Variants in PPM1L observed in about 807,000 individuals in gnomAD.
PPM1L encodes protein phosphatase, Mg2+/Mn2+ dependent 1L.
PPM1L carries 13 observed loss-of-function variants against 31.4 expected under a neutral mutation model. That is an observed-to-expected ratio of 0.41 (90% CI 0.27 to 0.66). The LOEUF (loss-of-function observed/expected upper bound fraction) is 0.66, where lower values mean the gene tolerates loss of function less well. Ranked by LOEUF, PPM1L falls within the 30% of genes least tolerant of loss-of-function variation. The probability of loss-of-function intolerance (pLI) is 0.29; values close to 1 mark genes in which losing one functional copy is unlikely to be tolerated. For missense variants in PPM1L, 326 were observed against 453.7 expected, an observed-to-expected ratio of 0.72 and a Z score of 2.56; for synonymous variants, 184 against 175.4, an observed-to-expected ratio of 1.05 and a Z score of -0.39.
At chr3:160,876,493 G>T (rs1712517605) in intron 1 of PPM1L, among the ~76,000 whole-genome samples, 1 of 152,168 alleles carries the variant, frequency 6.6e-6, no homozygotes, top group African/African-American at 2.4e-5. Context: ...ATTTATAGTA[G>T]AAAATTGGCA....
At chr3:160,982,596 C>T (rs1238420582) in intron 2 of PPM1L, among the ~76,000 whole-genome samples, 2 of 152,138 alleles carry the variant, frequency 1.3e-5, no homozygotes, top group Non-Finnish European at 1.5e-5. Context: ...CTTTAATGTT[C>T]GACCCAGCAG....
chr3:160,961,964 T>A, intron 2 of PPM1L, 54 bp downstream of exon 2: 1 of 1,397,630 alleles, frequency 7.2e-7, no homozygotes, highest in Non-Finnish European at 9.6e-7. Flanking sequence ...AAATTCATTA[T>A]AAACCTTGAT....
intron 1 of PPM1L, among the ~76,000 whole-genome samples, chr3:160,780,805 G>GT (rs1397731041): frequency 6.6e-6 from 1 of 152,100 alleles, no homozygotes; most frequent in Non-Finnish European, 1.5e-5. Flanking sequence ...CAGATATTGG[G>GT]TTGTAGACAG....
chr3:160,914,742 C>G (rs1408587008), intron 1 of PPM1L, among the ~76,000 whole-genome samples: 1 of 152,030 alleles, frequency 6.6e-6, no homozygotes, highest in South Asian at 2.1e-4. Flanking sequence ...TAGTGCCGCA[C>G]TAAACATATG....
chr3:160,982,949 T>C (rs981791203), intron 2 of PPM1L, among the ~76,000 whole-genome samples: 1 of 152,224 alleles, frequency 6.6e-6, no homozygotes. Flanking sequence ...AAGCATTATT[T>C]TTTAAAGAAC....
intron 1 of PPM1L, among the ~76,000 whole-genome samples, chr3:160,959,966 G>GTA (rs1559904081): frequency 6.6e-6 from 1 of 151,930 alleles, no homozygotes; most frequent in African/African-American, 2.4e-5. Flanking sequence ...TCATATATAT[G>GTA]TATATATATG....
intron 2 of PPM1L, among the ~76,000 whole-genome samples, chr3:161,039,377 C>G (rs892652979): frequency 4.6e-5 from 7 of 152,048 alleles, no homozygotes; most frequent in African/African-American, 1.4e-4. Flanking sequence ...TCTTGGAACT[C>G]AGCCATGTTA....
chr3:160,951,755 A>G (rs1482753256), intron 1 of PPM1L, among the ~76,000 whole-genome samples: 2 of 152,226 alleles, frequency 1.3e-5, no homozygotes, highest in African/African-American at 4.8e-5. Flanking sequence ...TCTGTAACTT[A>G]GTAGTCCATC....
intron 1 of PPM1L, among the ~76,000 whole-genome samples, chr3:160,955,658 T>C (rs1356440247): frequency 2.0e-5 from 3 of 150,828 alleles, no homozygotes; most frequent in Non-Finnish European, 3.0e-5. Context: ...AGTTTTCTTT[T>C]TTTTTTTTTT....
At chr3:160,920,408 C>T (rs1481567319) in intron 1 of PPM1L, among the ~76,000 whole-genome samples, 3 of 152,000 alleles carry the variant, frequency 2.0e-5, no homozygotes. Flanking sequence ...GGTTTAATGA[C>T]CCATGTGGAA....
intron 2 of PPM1L, among the ~76,000 whole-genome samples, chr3:160,983,170 A>G (rs1562466): frequency 0.87 from 132,617 of 152,182 alleles, 57,955 homozygotes; most frequent in Middle Eastern, 0.93. Flanking sequence ...TAGGCCTTGC[A>G]TTTTAAAATC....
chr3:160,907,463 T>G (rs1713802906), intron 1 of PPM1L, among the ~76,000 whole-genome samples: 1 of 152,234 alleles, frequency 6.6e-6, no homozygotes, highest in Non-Finnish European at 1.5e-5. Flanking sequence ...TTTTAAAAAT[T>G]TATGTGCATA....
chr3:160,876,510 A>G (rs774210318), intron 1 of PPM1L, among the ~76,000 whole-genome samples: 4 of 152,230 alleles, frequency 2.6e-5, no homozygotes, highest in African/African-American at 4.8e-5. Context: ...GGCAAACAAG[A>G]TGTTAGAAGA....
At chr3:160,873,904 A>G (rs1712408630) in intron 1 of PPM1L, among the ~76,000 whole-genome samples, 4 of 152,158 alleles carry the variant, frequency 2.6e-5, no homozygotes, top group Admixed American at 2.0e-4. Flanking sequence ...TTTATTCCAA[A>G]TTAAAACCTG....
chr3:161,048,248 C>A (rs1036197179), intron 2 of PPM1L, among the ~76,000 whole-genome samples: 1 of 151,598 alleles, frequency 6.6e-6, no homozygotes, highest in Non-Finnish European at 1.5e-5. Flanking sequence ...CAAGAAAAAA[C>A]CCCATCACAA....
chr3:160,878,424 C>G (rs1712590767), intron 1 of PPM1L, among the ~76,000 whole-genome samples: 1 of 152,158 alleles, frequency 6.6e-6, no homozygotes, highest in South Asian at 2.1e-4. Context: ...GCTAAGGGCC[C>G]TTTTCCTAGC....
At chr3:160,793,955 A>C (rs1712172811) in intron 1 of PPM1L, among the ~76,000 whole-genome samples, 1 of 147,546 alleles carries the variant, frequency 6.8e-6, no homozygotes, top group African/African-American at 2.7e-5. Context: ...GTTGGTTTCC[A>C]AGCCAGAAAC....
At chr3:160,978,582 C>T (rs1233479863) in intron 2 of PPM1L, among the ~76,000 whole-genome samples, 1 of 152,196 alleles carries the variant, frequency 6.6e-6, no homozygotes, top group African/African-American at 2.4e-5. Context: ...GTACTACCAA[C>T]ACTTTGGGAG....
At chr3:161,023,190 G>GATTGT (rs1718287924) in intron 2 of PPM1L, among the ~76,000 whole-genome samples, 1 of 148,576 alleles carries the variant, frequency 6.7e-6, no homozygotes, top group African/African-American at 2.5e-5. Context: ...TTAACAGTTT[G>GATTGT]ATTGTATGTC....
Sources: gnomAD v4.1 joint callset for allele counts (sites outside exome capture counted in the v4.1 genomes callset) on GRCh38, gnomAD v4.1.1 for gene constraint, MANE v1.5 for transcripts, NCBI Gene and HGNC (gene_info 2026-07-23, HGNC 2026-07-21) for gene names.